The following SIPA1L1 variants were observed in gnomAD, a reference collection of about 807,000 sequenced individuals.
SIPA1L1 encodes signal induced proliferation associated 1 like 1, also known as signal-induced proliferation-associated 1-like protein 1.
SIPA1L1 carries 26 observed loss-of-function variants against 162.7 expected under a neutral mutation model. The observed-to-expected ratio is 0.16, with a 90% CI of 0.12 to 0.22. SIPA1L1 has a LOEUF of 0.22. Ranked by LOEUF, SIPA1L1 falls within the 10% of genes least tolerant of loss-of-function variation. The pLI is 1.00. For synonymous variants in SIPA1L1, 829 were observed against 837.4 expected, an observed-to-expected ratio of 0.99 and a Z score of 0.17; for missense variants, 1,874 against 2,241.0, an observed-to-expected ratio of 0.84 and a Z score of 3.31.
rs118131816 is a variant in SIPA1L1, at chr14:71,524,912, C to T, written c.-361-4400C>T. The stretch of plus-strand genomic sequence containing the variant: ...CTAACCTTGCCTATCTGTAATCATT[C>T]AAAACTTATTTCCATTCTTACCTCT... On this transcript the variant is annotated intron_variant, in intron 3 of 23. Transcript: ENST00000381232. Among the ~76,000 whole-genome samples, 1,332 of 152,280 alleles carry T rather than the reference C, an allele frequency of 8.7e-3. 12 individuals carry two copies. The highest frequency in any genetic ancestry group is 0.035 in the South Asian group (168 of 4,822).
At chr14:71,428,811 G>A (rs2043774876) in intron 2 of SIPA1L1, among the ~76,000 whole-genome samples, 1 of 152,224 alleles carries the variant, frequency 6.6e-6, no homozygotes, top group African/African-American at 2.4e-5. Flanking sequence ...TGCCAGCTGT[G>A]TGCAAACTAC....
chr14:71,698,921 C>T (rs187607356), intron 13 of SIPA1L1, 60 bp from the exon 14 acceptor site: 86 of 1,564,434 alleles, frequency 5.5e-5, no homozygotes, highest in South Asian at 4.5e-4. Context: ...ATCCATCATG[C>T]GTTGCCTTGG....
In SIPA1L1 at chr14:71,364,208, C is replaced by T. The variant is rs138354803; in HGVS notation, c.-465+43027C>T. On this transcript the variant is annotated intron_variant, in intron 2 of 23. Coordinates refer to ENST00000381232, the MANE Select transcript of SIPA1L1 (RefSeq NM_001386936.1). ...CTTCTGGCAAACACTGTACTCTTAA[C>T]GGGAGTGAAAAAGGCAAGTGACGTT... is the stretch of plus-strand genomic sequence containing the variant. Among the ~76,000 whole-genome samples the T allele has an allele frequency of 5.9e-5, 9 of 152,250 alleles. No homozygotes were observed. In the South Asian group the frequency reaches 8.3e-4, roughly 14 times the overall value.
At chr14:71,497,022 A>T (rs1229314987) in intron 2 of SIPA1L1, among the ~76,000 whole-genome samples, 1 of 152,048 alleles carries the variant, frequency 6.6e-6, no homozygotes, top group East Asian at 1.9e-4. Flanking sequence ...TACAGAAATT[A>T]GCTGGGCATG....
chr14:71,486,209 C>T (rs934210931), intron 2 of SIPA1L1, among the ~76,000 whole-genome samples: 5 of 152,212 alleles, frequency 3.3e-5, no homozygotes, highest in Non-Finnish European at 7.3e-5. Context: ...TAAATATTCT[C>T]CAGCATCTGC....
Position 71,685,289 on chromosome 14 carries a change from A to G in SIPA1L1, c.3105-73A>G, listed in dbSNP as rs943454752. 12 of 1,500,364 alleles carry G rather than the reference A, an allele frequency of 8.0e-6. No individual in the cohort carries two copies. The African/African-American group carries it at 1.5e-4, about 19-fold the overall frequency. The allele number at this position is 1,500,364 out of a possible 1,614,324, so 92.9% of individuals were successfully genotyped here. A position where few individuals can be genotyped will look rare whatever the true frequency, so the allele number is the denominator to read the frequency against. On this transcript the variant is annotated intron_variant, in intron 12 of 23. Coordinates refer to ENST00000381232, the MANE Select transcript of SIPA1L1 (RefSeq NM_001386936.1). ...GTGGATCCATTTTTAAGTGTTAATG[A>G]GAATCAATGTGGTTCCACCAGCAAG...
chr14:71,722,327 C>T (rs1346936095), intron 17 of SIPA1L1, among the ~76,000 whole-genome samples: 1 of 152,206 alleles, frequency 6.6e-6, no homozygotes, highest in Non-Finnish European at 1.5e-5. Flanking sequence ...ATTCAGTTAT[C>T]TTCCTCCCCA....
At chr14:71,351,072 A>G (rs913729388) in intron 2 of SIPA1L1, among the ~76,000 whole-genome samples, 1 of 152,250 alleles carries the variant, frequency 6.6e-6, no homozygotes. Flanking sequence ...TTGACAAATT[A>G]CTTTTCAAGT....
At chr14:71,564,759 G>A (rs919344386) in intron 4 of SIPA1L1, among the ~76,000 whole-genome samples, 1 of 152,064 alleles carries the variant, frequency 6.6e-6, no homozygotes, top group African/African-American at 2.4e-5. Context: ...AAAGTGCTGG[G>A]ATTGGAGGAG....
At chr14:71,626,631 TC>T (rs768243666) in intron 7 of SIPA1L1, among the ~76,000 whole-genome samples, 16 of 152,226 alleles carry the variant, frequency 1.1e-4, no homozygotes, top group Non-Finnish European at 1.8e-4. Context: ...ATTTTTAGTT[TC>T]CATCTGTGTC....
intron 2 of SIPA1L1, among the ~76,000 whole-genome samples, chr14:71,480,051 T>A (rs1368771542): frequency 4.6e-5 from 7 of 152,076 alleles, no homozygotes; most frequent in Non-Finnish European, 8.8e-5. Context: ...CCTCTGTTTT[T>A]AAATACAAAG....
At chr14:71,475,676 T>C (rs933375761) in intron 2 of SIPA1L1, among the ~76,000 whole-genome samples, 15 of 152,240 alleles carry the variant, frequency 9.9e-5, no homozygotes, top group African/African-American at 3.4e-4. Context: ...TCAAAATGTC[T>C]TCCAATGTAA....
intron 2 of SIPA1L1, among the ~76,000 whole-genome samples, chr14:71,411,448 A>G (rs1035592014): frequency 6.6e-6 from 1 of 151,834 alleles, no homozygotes; most frequent in Admixed American, 6.6e-5. Context: ...ACCTGTCATT[A>G]TTTTTCTAGC....
At chr14:71,478,436 G>A (rs887531183) in intron 2 of SIPA1L1, among the ~76,000 whole-genome samples, 5 of 151,878 alleles carry the variant, frequency 3.3e-5, no homozygotes, top group Non-Finnish European at 7.4e-5. Flanking sequence ...AGAACTCTTT[G>A]ACTAACTAAA....
In SIPA1L1 at chr14:71,741,073, T is replaced by A. The variant is rs948012648; in HGVS notation, c.*1912T>A. 4 of 152,242 alleles carry A rather than the reference T, an allele frequency of 2.6e-5. No individual in the cohort carries two copies. The highest frequency in any genetic ancestry group is 6.5e-5 in the Admixed American group (1 of 15,282). The allele number at this position is 152,242 out of a possible 1,614,324, so 9.4% of individuals were successfully genotyped here. A position where few individuals can be genotyped will look rare whatever the true frequency, so the allele number is the denominator to read the frequency against. On this transcript the variant is annotated 3_prime_UTR_variant, in exon 24 of 24. Transcript: ENST00000381232. ...TTTGGTATTATTGCTTGAGGTTTGC[T>A]TATTTGAAAGACCACCCAATAACTC...
At chr14:71,590,044 AATATATATATATATATATAT>A (rs58833289) in intron 5 of SIPA1L1, among the ~76,000 whole-genome samples, 3 of 59,584 alleles carry the variant, frequency 5.0e-5, no homozygotes, top group Non-Finnish European at 8.7e-5. Context: ...AAAAAAAAAA[AATATATATATATATATATAT>A]ATATATATAT....
chr14:71,345,769 C>T lies in SIPA1L1; in HGVS notation c.-465+24588C>T, dbSNP rs552300052. ...ATTTTTAGTAGAGACGGGGTTTCAC[C>T]GTGTTAGCCAGGATGGTCTCCACCT... On this transcript the variant is annotated intron_variant, in intron 2 of 23. Coordinates refer to ENST00000381232, the MANE Select transcript of SIPA1L1 (RefSeq NM_001386936.1). 5.2e-4 allele frequency among the ~76,000 whole-genome samples: 79 copies of T among 151,860 alleles called. 1 individual carries two copies. Among genetic ancestry groups the T allele is most frequent in the Non-Finnish European group, 9.7e-4 (66 of 67,956 alleles).
At chr14:71,714,712 T>G (rs1299977114) in intron 17 of SIPA1L1, among the ~76,000 whole-genome samples, 1 of 152,084 alleles carries the variant, frequency 6.6e-6, no homozygotes, top group Non-Finnish European at 1.5e-5. Flanking sequence ...CTCCTGAGTA[T>G]CTGGGACTAT....
chr14:71,356,587 A>AAAAAAAAAAAAAG (rs1555403582), intron 2 of SIPA1L1, among the ~76,000 whole-genome samples: 6 of 146,806 alleles, frequency 4.1e-5, no homozygotes, highest in African/African-American at 1.5e-4. Flanking sequence ...AAAAAAAAAA[A>AAAAAAAAAAAAAG]GCACACCTGT....
Sources: gnomAD v4.1 joint callset for allele counts (sites outside exome capture counted in the v4.1 genomes callset) on GRCh38, gnomAD v4.1.1 for gene constraint, MANE v1.5 for transcripts, NCBI Gene and HGNC (gene_info 2026-07-23, HGNC 2026-07-21) for gene names.